PCDHA10: variants seen among roughly 807,000 people sequenced by gnomAD.
PCDHA10 encodes the protein protocadherin alpha 10, also known as protocadherin alpha-10.
In PCDHA10, 45 loss-of-function variants were observed where a neutral mutation model predicts 61.2. That is an observed-to-expected ratio of 0.74 (90% confidence interval 0.58 to 0.94). PCDHA10 has a LOEUF of 0.94. Among genes scored for constraint, PCDHA10 ranks in the 40% least tolerant of loss-of-function variants. The pLI is 0.00. For synonymous variants in PCDHA10, 602 were observed against 548.8 expected (o/e 1.10, Z -1.35); for missense variants, 1,278 against 1,236.2 (o/e 1.03, Z -0.51).
At chr5:140,869,322 C>A (rs1169893950) in intron 1 of PCDHA10, 12 of 1,613,702 alleles carry the variant, frequency 7.4e-6, no homozygotes, top group Non-Finnish European at 1.0e-5. Context: ...CACATGGGGA[C>A]CTTCTGGAGG....
At chr5:140,950,237 ATTTG>A (rs782102459) in intron 1 of PCDHA10, among the ~76,000 whole-genome samples, 1 of 151,954 alleles carries the variant, frequency 6.6e-6, no homozygotes, top group Non-Finnish European at 1.5e-5. Flanking sequence ...AGTGCCATTA[ATTTG>A]TTCCTAAAGA....
At chr5:140,892,678 A>G (rs1381127232) in intron 1 of PCDHA10, among the ~76,000 whole-genome samples, 2 of 152,216 alleles carry the variant, frequency 1.3e-5, no homozygotes, top group Middle Eastern at 3.2e-3. Context: ...ACATATATAC[A>G]ATGTATAATA....
chr5:140,993,943 A>C (rs1055382423), intron 3 of PCDHA10, among the ~76,000 whole-genome samples: 1 of 152,220 alleles, frequency 6.6e-6, no homozygotes, highest in Admixed American at 6.5e-5. Flanking sequence ...CCCCATTGTT[A>C]AGTGATACAT....
intron 1 of PCDHA10, chr5:140,875,336 G>T: frequency 7.0e-7 from 1 of 1,438,564 alleles, no homozygotes; most frequent in Non-Finnish European, 9.1e-7. Context: ...GAATAGGATC[G>T]ACTCCATAAT....
rs2044265676 is a variant in PCDHA10 at position 140,856,907 on chromosome 5, A to G, written c.859A>G (p.Thr287Ala). The G allele has an allele frequency of 1.9e-6, 3 of 1,596,440 alleles. No homozygotes were observed. The highest frequency in any genetic ancestry group is 2.7e-5 in the African/African-American group (2 of 74,284). The stretch of plus-strand genomic sequence containing the variant: ...TTCATTTAGCTCTTTGGTCCCACCC[A>G]CGATAAGAAGGAAATTTTGGATAAA... The part of the protein sequence containing the change: ...MYSFSSLVPP[T>A]IRRKFWINER... Residue 287 changes from threonine (T) to alanine (A), a missense_variant, in exon 1 of 4, where the codon ACG (threonine) becomes GCG (alanine). By Grantham distance (58) the Thr-to-Ala change is moderately conservative (BLOSUM62 0). Transcript: ENST00000307360.
intron 1 of PCDHA10, among the ~76,000 whole-genome samples, chr5:140,894,090 C>T (rs1554185919): frequency 6.6e-6 from 1 of 152,154 alleles, no homozygotes; most frequent in African/African-American, 2.4e-5. Flanking sequence ...CCAGTATCTT[C>T]TAGCTCCTGG....
intron 1 of PCDHA10, chr5:140,865,437 T>C (rs951308725): frequency 3.3e-5 from 5 of 152,200 alleles, no homozygotes; most frequent in Non-Finnish European, 7.3e-5. Context: ...GAAAAATAAC[T>C]TCTGAGAAGA....
Position 140,877,064 on chromosome 5 carries a change from T to C in PCDHA10, c.2388+18628T>C, listed in dbSNP as rs2056824961. On this transcript the variant is annotated intron_variant, in intron 1 of 3. Coordinates refer to ENST00000307360, the MANE Select transcript of PCDHA10 (RefSeq NM_018901.4). ...CTAGACCACGAGGAGCTGGAGCTGC[T>C]GCAGTTCCAGGTGAGCGCGCGCGAC... is the stretch of plus-strand genomic sequence containing the variant. The C allele has an allele frequency of 6.2e-7, 1 of 1,612,896 alleles. No homozygotes were observed. Among genetic ancestry groups the C allele is most frequent in the Non-Finnish European group, 8.5e-7 (1 of 1,179,856 alleles).
intron 1 of PCDHA10, chr5:140,865,199 T>C (rs776546973): frequency 1.2e-4 from 18 of 152,246 alleles, no homozygotes; most frequent in Admixed American, 9.2e-4. Context: ...ACCATATTAA[T>C]GTGAATTGCT....
At chr5:140,882,991 AT>A (rs1554176407) in intron 1 of PCDHA10, 2 of 1,614,112 alleles carry the variant, frequency 1.2e-6, no homozygotes, top group Non-Finnish European at 1.7e-6. Flanking sequence ...ACGCCCCGGA[AT>A]TTTACCAATC....
chr5:140,967,379 A>G (rs1554229509), intron 1 of PCDHA10: 2 of 1,608,268 alleles, frequency 1.2e-6, no homozygotes, highest in East Asian at 2.2e-5. Flanking sequence ...GGAGAACAGT[A>G]AAGTGCTTGA....
At chr5:140,874,958 A>G (rs2055195313) in intron 1 of PCDHA10, among the ~76,000 whole-genome samples, 1 of 152,242 alleles carries the variant, frequency 6.6e-6, no homozygotes, top group South Asian at 2.1e-4. Flanking sequence ...TGTAAGCTAT[A>G]TAAGGGGAGG....
intron 1 of PCDHA10, chr5:140,859,474 T>TA: frequency 4.8e-6 from 1 of 210,386 alleles, no homozygotes; most frequent in Non-Finnish European, 9.2e-6. Context: ...CTATCAATTG[T>TA]GTTTTCCTGA....
At chr5:141,006,483 G>T (rs1351534173) in intron 3 of PCDHA10, among the ~76,000 whole-genome samples, 1 of 152,126 alleles carries the variant, frequency 6.6e-6, no homozygotes, top group Non-Finnish European at 1.5e-5. Context: ...AAAGTGCTGG[G>T]ATTACATGTG....
chr5:140,979,122 T>C (rs1271679977), intron 2 of PCDHA10, 115 bp downstream of exon 2: 2 of 1,493,778 alleles, frequency 1.3e-6, no homozygotes, highest in African/African-American at 2.8e-5. Flanking sequence ...TTAGGTACTT[T>C]GCCAGGAAAA....
chr5:140,941,239 C>CTTTCTTTCTTTCTTTA (rs2092937531), intron 1 of PCDHA10, among the ~76,000 whole-genome samples: 1 of 134,502 alleles, frequency 7.4e-6, no homozygotes, highest in African/African-American at 2.9e-5. Context: ...TTCTTTCTTT[C>CTTTCTTTCTTTCTTTA]TTTCTTTCTT....
chr5:140,859,865 C>T (rs2046056665), intron 1 of PCDHA10: 1 of 151,972 alleles, frequency 6.6e-6, no homozygotes, highest in African/African-American at 2.4e-5. Context: ...GAAATATATA[C>T]TTCCCCCTCT....
At chr5:140,988,157 G>A (rs1344911037) in intron 3 of PCDHA10, among the ~76,000 whole-genome samples, 5 of 152,014 alleles carry the variant, frequency 3.3e-5, no homozygotes, top group African/African-American at 7.3e-5. Context: ...AACTTCTGCC[G>A]TTGTCATAGC....
chr5:140,909,550 A>C (rs549281873), intron 1 of PCDHA10, among the ~76,000 whole-genome samples: 2 of 152,232 alleles, frequency 1.3e-5, no homozygotes, highest in East Asian at 3.9e-4. Context: ...GGTGGCACTA[A>C]TCTCTGCAAC....
Sources: gnomAD v4.1 joint callset for allele counts (sites outside exome capture counted in the v4.1 genomes callset) on GRCh38, gnomAD v4.1.1 for gene constraint, MANE v1.5 for transcripts, NCBI Gene and HGNC (gene_info 2026-07-23, HGNC 2026-07-21) for gene names.